The following SYNRG variants were observed in gnomAD, a reference collection of about 807,000 sequenced individuals.
SYNRG encodes the protein synergin gamma.
SYNRG carries 37 observed loss-of-function variants against 130.9 expected under a neutral mutation model. The observed-to-expected ratio is 0.28, with a 90% CI of 0.22 to 0.37. SYNRG has a LOEUF of 0.37. SYNRG is among the 10% of genes least tolerant of loss of function. The probability of loss-of-function intolerance (pLI) is 1.00; values close to 1 mark genes in which losing one functional copy is unlikely to be tolerated. For synonymous variants in SYNRG, 539 were observed against 568.1 expected (o/e 0.95, Z 0.73); for missense variants, 1,338 against 1,588.9 (o/e 0.84, Z 2.68).
chr17:37,543,166 T>C (rs1251851667), intron 14 of SYNRG, among the ~76,000 whole-genome samples: 1 of 152,186 alleles, frequency 6.6e-6, no homozygotes, highest in Non-Finnish European at 1.5e-5. Flanking sequence ...TACCTAGTTG[T>C]TATTTTGGTC....
chr17:37,568,588 G>T lies in SYNRG; in HGVS notation c.1481+203C>A, dbSNP rs1385288608. ...ATTGGCAGGCAGGTGTGTACTTACA[G>T]GAAACAGTAGGAGCTGAAGTTTAAG... On this transcript the variant is annotated intron_variant, in intron 11 of 21. Transcript: ENST00000612223. 18 of 500,896 alleles carry T rather than the reference G, an allele frequency of 3.6e-5. 1 individual carries two copies. Among genetic ancestry groups the T allele is most frequent in the Non-Finnish European group, 3.1e-5 (9 of 294,352 alleles). The allele number at this position is 500,896 out of a possible 1,614,324, so 31.0% of individuals were successfully genotyped here.
intron 19 of SYNRG, among the ~76,000 whole-genome samples, chr17:37,529,214 C>T (rs76707716): frequency 0.012 from 1,819 of 152,280 alleles, 39 homozygotes; most frequent in African/African-American, 0.039. Flanking sequence ...AAGGAGTAAG[C>T]GCCACCGTAT....
At chr17:37,554,831 T>G (rs563641004) in intron 13 of SYNRG, among the ~76,000 whole-genome samples, 1 of 152,310 alleles carries the variant, frequency 6.6e-6, no homozygotes, top group South Asian at 2.1e-4. Flanking sequence ...TTATTAAAAT[T>G]CAAAAGGATT....
intron 1 of SYNRG, chr17:37,606,015 A>G: frequency 1.0e-6 from 1 of 985,060 alleles, no homozygotes; most frequent in Non-Finnish European, 1.2e-6. Flanking sequence ...ATTACGCAAT[A>G]ATTAAATGGT....
chr17:37,594,475 T>C (rs2062571131), intron 3 of SYNRG, among the ~76,000 whole-genome samples: 1 of 147,526 alleles, frequency 6.8e-6, no homozygotes, highest in African/African-American at 2.5e-5. Flanking sequence ...TTTTTTTTTT[T>C]TTTTTGAGAT....
At chr17:37,582,930 A>G (rs2061440489) in intron 6 of SYNRG, among the ~76,000 whole-genome samples, 1 of 152,146 alleles carries the variant, frequency 6.6e-6, no homozygotes, top group Non-Finnish European at 1.5e-5. Context: ...GAGAAATTTA[A>G]AAGGTGCCTT....
rs766363964 is a variant in SYNRG, at chr17:37,584,635, C to G, written c.589+13G>C. ...TTCCCAGAAAAGAAAAATATAATGC[C>G]TCTTAAAACTACCTGGTTTCTTGGG... On this transcript the variant is annotated intron_variant, in intron 6 of 21. Transcript: ENST00000612223. 1.2e-6 allele frequency: 2 copies of G among 1,607,968 alleles called. 1 individual carries two copies.
At position 37,515,035 on chromosome 17, in the gene SYNRG, G is replaced by A. The variant is rs1488141888; in HGVS notation, c.*3905C>T. 2 of 152,108 alleles carry A rather than the reference G, an allele frequency of 1.3e-5. No individual in the cohort carries two copies. The highest frequency in any genetic ancestry group is 4.8e-5 in the African/African-American group (2 of 41,392). 9.4% of individuals were successfully genotyped at this position (152,108 alleles called of 1,614,324 possible). ...TTCGCTAAGGGCCACAGCATTCACT[G>A]GTTAATAAAGCCACAGCTACAAAGT... On this transcript the variant is annotated 3_prime_UTR_variant, in exon 22 of 22. Coordinates refer to ENST00000612223, the MANE Select transcript of SYNRG (RefSeq NM_007247.6).
In SYNRG at chr17:37,576,483, T is replaced by C. The variant is rs1327030505; in HGVS notation, c.824-65A>G. 4 of 1,485,088 alleles carry C rather than the reference T, an allele frequency of 2.7e-6. No homozygotes were observed. In the East Asian group the frequency reaches 7.1e-5, roughly 26 times the overall value. 92.0% of individuals were successfully genotyped at this position (1,485,088 alleles called of 1,614,324 possible). A position where few individuals can be genotyped will look rare whatever the true frequency, so the allele number is the denominator to read the frequency against. On this transcript the variant is annotated intron_variant, in intron 7 of 21. Coordinates refer to ENST00000612223, the MANE Select transcript of SYNRG (RefSeq NM_007247.6). ...GAGAAGATGGCGAAATCACACTGAG[T>C]CATGGTTTTTTACAAAGAGCACTGG...
At chr17:37,520,279 C>T in intron 20 of SYNRG, 65 bp from the exon 21 acceptor site, 1 of 1,602,300 alleles carries the variant, frequency 6.2e-7, no homozygotes, top group South Asian at 1.1e-5. Flanking sequence ...CCTCCAAACA[C>T]ATCTTTACAG....
chr17:37,540,587 CTTAG>C, intron 15 of SYNRG, 44 bp from the exon 16 acceptor site: 1 of 1,581,520 alleles, frequency 6.3e-7, no homozygotes, highest in Non-Finnish European at 8.6e-7. Flanking sequence ...GGCTACTCAC[CTTAG>C]TTCAGGCAGA....
chr17:37,594,061 C>G (rs909271012), intron 3 of SYNRG, among the ~76,000 whole-genome samples: 6 of 151,488 alleles, frequency 4.0e-5, no homozygotes, highest in African/African-American at 1.5e-4. Flanking sequence ...TCTTATTGTT[C>G]TGCATATTAG....
intron 6 of SYNRG, among the ~76,000 whole-genome samples, chr17:37,577,865 AT>A (rs1230912539): frequency 1 from 150,792 of 150,796 alleles, 75,394 homozygotes; most frequent in Middle Eastern, 1. Flanking sequence ...AGCCTGGCTA[AT>A]TTTTTGTATT....
At chr17:37,581,878 C>T (rs539072421) in intron 6 of SYNRG, among the ~76,000 whole-genome samples, 23 of 151,972 alleles carry the variant, frequency 1.5e-4, no homozygotes, top group African/African-American at 5.3e-4. Flanking sequence ...GATTCTCCTG[C>T]CTCAGCCTCC....
chr17:37,544,703 G>A (rs922973854), intron 14 of SYNRG, among the ~76,000 whole-genome samples: 3 of 151,964 alleles, frequency 2.0e-5, no homozygotes, highest in Non-Finnish European at 4.4e-5. Context: ...TTTTGTTTTC[G>A]TTTTTTTCCC....
intron 9 of SYNRG, among the ~76,000 whole-genome samples, chr17:37,571,134 T>C (rs1863174078): frequency 6.6e-6 from 1 of 152,186 alleles, no homozygotes; most frequent in Non-Finnish European, 1.5e-5. Flanking sequence ...TTCTATATGA[T>C]CAAATCATTT....
intron 4 of SYNRG, 97 bp downstream of exon 4, chr17:37,586,322 G>A (rs2061686669): frequency 1.3e-6 from 2 of 1,520,624 alleles, no homozygotes. Context: ...ACTTTTGACT[G>A]TTTTAGTTTC....
chr17:37,530,737 T>G (rs971597416), intron 19 of SYNRG, among the ~76,000 whole-genome samples: 1 of 152,200 alleles, frequency 6.6e-6, no homozygotes, highest in African/African-American at 2.4e-5. Flanking sequence ...GGATAAGTAG[T>G]AAACTACCCC....
intron 13 of SYNRG, among the ~76,000 whole-genome samples, chr17:37,559,811 C>T (rs2059394108): frequency 1.3e-5 from 2 of 152,156 alleles, no homozygotes; most frequent in South Asian, 4.1e-4. Flanking sequence ...TCAGAGTAAC[C>T]ATGGCTCTCA....
Sources: allele counts gnomAD v4.1 joint callset (sites outside exome capture counted in the v4.1 genomes callset), GRCh38; gene constraint gnomAD v4.1.1; transcripts MANE v1.5; gene names NCBI Gene and HGNC (gene_info 2026-07-23, HGNC 2026-07-21).